Variants in MAP1S observed in about 807,000 individuals in gnomAD.
The protein encoded by MAP1S is microtubule associated protein 1S, also known as microtubule-associated protein 1S.
In MAP1S, 27 loss-of-function variants were observed where a neutral mutation model predicts 60.9. The ratio of observed to expected loss-of-function variants is 0.44; its 90% CI spans 0.33 to 0.61. The LOEUF (loss-of-function observed/expected upper bound fraction) is 0.61. Among genes scored for constraint, MAP1S ranks in the 20% least tolerant of loss-of-function variants. MAP1S has a pLI of 0.03. For synonymous variants in MAP1S, 826 were observed against 694.2 expected, an observed-to-expected ratio of 1.19 and a Z score of -2.98; for missense variants, 1,608 against 1,486.6, an observed-to-expected ratio of 1.08 and a Z score of -1.34.
chr19:17,730,111 C>G (rs182879306), intron 5 of MAP1S, among the ~76,000 whole-genome samples: 2 of 152,174 alleles, frequency 1.3e-5, no homozygotes, highest in African/African-American at 4.8e-5. Context: ...CCCGACTCAA[C>G]GTTTAATTTT....
chr19:17,725,840 C>A lies in MAP1S; in HGVS notation c.456C>A (p.Ile152=). 1.9e-6 allele frequency: 3 copies of A among 1,611,388 alleles called. No individual in the cohort carries two copies. Among genetic ancestry groups the A allele is most frequent in the Non-Finnish European group, 2.5e-6 (3 of 1,179,136 alleles). ...QVLKDREIRD[I]LATTPPPVQP... ...CCTCCTCCATACAGATCCGGGACAT[C>A]CTGGCCACCACGCCCCCACCTGTGC... Residue 152 remains isoleucine, a synonymous_variant, in exon 5 of 7, where the codon ATC becomes ATA. Coordinates refer to ENST00000324096, the MANE Select transcript of MAP1S (RefSeq NM_018174.6). The surrounding 1 kb of genome is among the most constrained non-coding windows in gnomAD (Gnocchi z 4.2).
At chr19:17,731,212 G>A (rs937189315) in intron 5 of MAP1S, among the ~76,000 whole-genome samples, 1 of 152,258 alleles carries the variant, frequency 6.6e-6, no homozygotes, top group African/African-American at 2.4e-5. Context: ...ACAGTGAGAA[G>A]CTTCTACCCC....
At position 17,726,245 on chromosome 19, in the gene MAP1S, C is replaced by T. The variant is rs1250237843; in HGVS notation, c.861C>T (p.Ala287=). 1.0e-5 allele frequency: 16 copies of T among 1,607,786 alleles called. No individual in the cohort carries two copies. The highest frequency in any genetic ancestry group is 1.3e-5 in the Non-Finnish European group (15 of 1,177,678). The change falls in exon 5 of 7, where the codon GCC becomes GCT. Residue 287 remains alanine, a synonymous_variant. Transcript: ENST00000324096. The part of the protein sequence containing the change: ...KLVRHLDRVD[A]VLVTHPGADS... ...TGCGGCACCTGGACCGCGTGGATGCCGTGCTGGTGACCCACCCTGGCGCCG... is the reference window on the plus strand; with the variant it reads ...TGCGGCACCTGGACCGCGTGGATGCTGTGCTGGTGACCCACCCTGGCGCCG...
At chr19:17,723,948 C>T (rs912291550) in intron 2 of MAP1S, among the ~76,000 whole-genome samples, 178 bp from the exon 3 acceptor site, 3 of 152,228 alleles carry the variant, frequency 2.0e-5, no homozygotes, top group African/African-American at 4.8e-5. Context: ...TACTGCCTCT[C>T]TTAGGCCAGC....
rs778795742 is a variant in MAP1S at position 17,733,210 on chromosome 19, C to T, written c.2806C>T (p.Pro936Ser). Reference protein sequence around the residue: ...RGPSGSASSRPGVSATPPKSP... With the variant: ...RGPSGSASSRSGVSATPPKSP... Reference sequence around the variant, plus strand: ...GCCCGCAGGGTCAGCCAGCAGCCGGCCCGGGGTGTCAGCCACCCCACCCAA... The same window carrying T: ...GCCCGCAGGGTCAGCCAGCAGCCGGTCCGGGGTGTCAGCCACCCCACCCAA... The change falls in exon 6 of 7, where the codon CCC becomes TCC. Residue 936 changes from proline to serine, a missense_variant. Pro to Ser is a moderately conservative substitution (Grantham distance 74). Coordinates refer to ENST00000324096, the MANE Select transcript of MAP1S (RefSeq NM_018174.6). 2 of 1,542,242 alleles carry T rather than the reference C, an allele frequency of 1.3e-6. No individual in the cohort carries two copies. Among genetic ancestry groups the T allele is most frequent in the Non-Finnish European group, 1.8e-6 (2 of 1,142,416 alleles).
intron 2 of MAP1S, among the ~76,000 whole-genome samples, chr19:17,723,379 T>G (rs1257838294): frequency 6.6e-6 from 1 of 151,280 alleles, no homozygotes; most frequent in Admixed American, 6.6e-5. Flanking sequence ...AAACCCCGTC[T>G]CTACTAAAAA....
At chr19:17,720,854 C>T (rs749085611) in intron 1 of MAP1S, 82 bp from the exon 2 acceptor site, 3 of 1,100,806 alleles carry the variant, frequency 2.7e-6, no homozygotes, top group Admixed American at 1.7e-5. Flanking sequence ...GCGCTCCCCA[C>T]CCACGGGGTG....
intron 2 of MAP1S, among the ~76,000 whole-genome samples, chr19:17,723,054 C>T (rs1398665636): frequency 6.6e-6 from 1 of 151,992 alleles, no homozygotes; most frequent in Non-Finnish European, 1.5e-5. Flanking sequence ...CCCCCTCTCA[C>T]AGTACTGATG....
intron 5 of MAP1S, 106 bp downstream of exon 5, chr19:17,728,278 T>TCTC: frequency 1.6e-6 from 2 of 1,220,232 alleles, no homozygotes; most frequent in Non-Finnish European, 2.2e-6. Context: ...AAAGAGATGG[T>TCTC]CTCACTCTGT....
At chr19:17,723,404 G>T in intron 2 of MAP1S, among the ~76,000 whole-genome samples, 1 of 151,846 alleles carries the variant, frequency 6.6e-6, no homozygotes, top group South Asian at 2.1e-4. Flanking sequence ...AAAAATTAAT[G>T]GGGCGTGGTG....
chr19:17,734,025 C>T (rs767136632), intron 6 of MAP1S, among the ~76,000 whole-genome samples: 18 of 152,176 alleles, frequency 1.2e-4, no homozygotes, highest in Non-Finnish European at 1.9e-4. Context: ...GAAGGCCTTG[C>T]AGAGGAGGAG....
Position 17,733,370 on chromosome 19 carries a change from T to C in MAP1S, c.2966T>C (p.Met989Thr). ...CAGGACCAGCGCAAGGAGGAAGGCA[T>C]GCGGGCCGTCCTGGACGCGCTACTG... ...SGQDQRKEEGMRAVLDALLAS... is the reference protein window; with the variant it reads ...SGQDQRKEEGTRAVLDALLAS... The change falls in exon 6 of 7, where the codon ATG (methionine) becomes ACG (threonine). Residue 989 changes from methionine (M) to threonine (T), a missense_variant. Met to Thr is a moderately conservative substitution (Grantham distance 81). Coordinates refer to ENST00000324096, the MANE Select transcript of MAP1S (RefSeq NM_018174.6). 1 of 1,611,758 alleles carries C rather than the reference T, an allele frequency of 6.2e-7. No individual in the cohort carries two copies. The highest frequency in any genetic ancestry group is 8.5e-7 in the Non-Finnish European group (1 of 1,179,478).
chr19:17,727,606 C>T lies in MAP1S; in HGVS notation c.2222C>T (p.Ser741Leu), dbSNP rs1471132587. ...CACGATGTGGACCTGTGCCTGGTGT[C>T]ACCCTGTGAATTTGAGCATCGCAAG... is the stretch of plus-strand genomic sequence containing the variant. Reference protein sequence around the residue: ...SPHDVDLCLVSPCEFEHRKAV... With the variant: ...SPHDVDLCLVLPCEFEHRKAV... Residue 741 changes from serine (S) to leucine (L), a missense_variant, in exon 5 of 7, where the codon TCA (serine) becomes TTA (leucine). Physicochemically the swap from Ser to Leu is moderately radical, Grantham distance 145. Around this residue, in one of 4 missense-constraint regions of MAP1S, gnomAD observed 1,167 missense variants for 961.4 expected, o/e 1.21. Coordinates refer to ENST00000324096, the MANE Select transcript of MAP1S (RefSeq NM_018174.6). This position sits in a 1 kb window ranked among gnomAD's most constrained non-coding sequence, Gnocchi z 4.1. 8 of 1,607,558 alleles carry T rather than the reference C, an allele frequency of 5.0e-6. No individual in the cohort carries two copies. The highest frequency in any genetic ancestry group is 2.2e-5 in the South Asian group (2 of 91,058).
intron 1 of MAP1S, chr19:17,720,667 G>A (rs1308877742): frequency 2.9e-6 from 2 of 685,404 alleles, no homozygotes; most frequent in Admixed American, 2.9e-5. Context: ...AACGGGTCTG[G>A]CAGGGCATAG....
At chr19:17,731,165 G>T (rs2080490418) in intron 5 of MAP1S, among the ~76,000 whole-genome samples, 1 of 152,128 alleles carries the variant, frequency 6.6e-6, no homozygotes, top group Non-Finnish European at 1.5e-5. Context: ...AGAGTACTAA[G>T]ATTATAGATG....
intron 1 of MAP1S, chr19:17,720,684 C>CGAGGAGGTGGAGATG (rs1320540404): frequency 4.7e-6 from 3 of 643,664 alleles, no homozygotes; most frequent in African/African-American, 3.7e-5. Context: ...ATAGGAGCAG[C>CGAGGAGGTGGAGATG]GAGGAGGTGG....
chr19:17,732,723 G>T (rs74833157), intron 5 of MAP1S, among the ~76,000 whole-genome samples: 2,318 of 152,286 alleles, frequency 0.015, 36 homozygotes, highest in Non-Finnish European at 0.024. Flanking sequence ...GATGGTCCAG[G>T]CACTGGCTGC....
intron 5 of MAP1S, chr19:17,729,054 G>A (rs909841428): frequency 2.6e-5 from 4 of 152,194 alleles, no homozygotes; most frequent in Non-Finnish European, 5.9e-5. Context: ...AATTTAAATA[G>A]CGTATTTTAT....
intron 2 of MAP1S, 68 bp from the exon 3 acceptor site, chr19:17,724,058 G>T (rs1012901915): frequency 7.8e-7 from 1 of 1,286,754 alleles, no homozygotes; most frequent in East Asian, 2.3e-5. Flanking sequence ...TCCCAGAGGG[G>T]TTCATGTTCC....
Sources: allele counts gnomAD v4.1 joint callset (sites outside exome capture counted in the v4.1 genomes callset), GRCh38; gene constraint gnomAD v4.1.1; regional missense constraint gnomAD v4.1.1; non-coding constraint Gnocchi (gnomAD v3.1); transcripts MANE v1.5; gene names NCBI Gene and HGNC (gene_info 2026-07-23, HGNC 2026-07-21).